The following MAP3K13 variants were observed in gnomAD, a reference collection of about 807,000 sequenced individuals.
The protein encoded by MAP3K13 is leucine zipper-bearing kinase.
Under a neutral mutation model 104.0 loss-of-function variants are expected in MAP3K13, and 52 were observed. That is an observed-to-expected ratio of 0.50 (90% CI 0.40 to 0.63). The LOEUF (loss-of-function observed/expected upper bound fraction) is 0.63. Among genes scored for constraint, MAP3K13 ranks in the 20% least tolerant of loss-of-function variants. MAP3K13 has a pLI of 0.00. For synonymous variants in MAP3K13, 394 were observed against 442.2 expected (o/e 0.89, Z 1.37); for missense variants, 914 against 1,218.5 (o/e 0.75, Z 3.72).
At chr3:185,376,014 T>C (rs1724410797) in intron 1 of MAP3K13, among the ~76,000 whole-genome samples, 1 of 152,186 alleles carries the variant, frequency 6.6e-6, no homozygotes, top group South Asian at 2.1e-4. Flanking sequence ...TGAATGATAC[T>C]ATAGCATAGC....
chr3:185,463,435 A>C (rs1207117730), intron 7 of MAP3K13, 115 bp from the exon 8 acceptor site: 7 of 618,190 alleles, frequency 1.1e-5, no homozygotes, highest in Admixed American at 4.9e-5. Context: ...ATCTATTCTG[A>C]AAAAGGCTCT....
At chr3:185,369,769 A>T (rs1724066330) in intron 1 of MAP3K13, among the ~76,000 whole-genome samples, 1 of 152,266 alleles carries the variant, frequency 6.6e-6, no homozygotes, top group South Asian at 2.1e-4. Context: ...CTTGGTGTAT[A>T]GTAAAGTTTT....
At chr3:185,323,957 T>A in intron 2 of MAP3K13, among the ~76,000 whole-genome samples, 1 of 152,182 alleles carries the variant, frequency 6.6e-6, no homozygotes, top group East Asian at 1.9e-4. Flanking sequence ...ATTGTACTTT[T>A]AATTTTGATT....
At chr3:185,453,303 A>G (rs925653198) in intron 7 of MAP3K13, among the ~76,000 whole-genome samples, 2 of 152,122 alleles carry the variant, frequency 1.3e-5, no homozygotes, top group African/African-American at 4.8e-5. Flanking sequence ...GAATTTTGTA[A>G]AGTGAATCGC....
intron 1 of MAP3K13, among the ~76,000 whole-genome samples, chr3:185,377,003 A>G (rs1364591417): frequency 6.6e-6 from 1 of 152,104 alleles, no homozygotes; most frequent in Non-Finnish European, 1.5e-5. Flanking sequence ...AGGAATAGTA[A>G]AGAAGACATG....
intron 2 of MAP3K13, among the ~76,000 whole-genome samples, chr3:185,334,075 G>C (rs1249705847): frequency 1.3e-5 from 2 of 151,692 alleles, no homozygotes; most frequent in Non-Finnish European, 2.9e-5. Flanking sequence ...AAGAAAATAA[G>C]AAAAAATACC....
chr3:185,371,663 T>G (rs1350657442), intron 1 of MAP3K13, among the ~76,000 whole-genome samples: 1 of 151,954 alleles, frequency 6.6e-6, no homozygotes, highest in Non-Finnish European at 1.5e-5. Flanking sequence ...TGGAGAAAGA[T>G]GACAGAAAAA....
At position 185,454,726 on chromosome 3, in the gene MAP3K13, ATATATATGATATATATAT is replaced by A. The variant is rs1716254284; in HGVS notation, c.1278+3332_1278+3349del. Reference sequence around the variant, plus strand: ...ATATATCATATATGAGATATATATGATATATATGATATATATATCATATATATGAGATATATATGACAT... The same window carrying A: ...ATATATCATATATGAGATATATATGACATATATATGAGATATATATGACAT... On this transcript the variant is annotated intron_variant, in intron 7 of 13. Coordinates refer to ENST00000265026, the MANE Select transcript of MAP3K13 (RefSeq NM_004721.5). Among the ~76,000 whole-genome samples, 3 of 34,866 alleles carry A rather than the reference ATATATATGATATATATAT, an allele frequency of 8.6e-5. 1 individual carries two copies. Among genetic ancestry groups the A allele is most frequent in the African/African-American group, 2.1e-4 (3 of 14,266 alleles). The allele number at this position is 34,866 out of a possible 152,430, so 22.9% of individuals were successfully genotyped here.
intron 2 of MAP3K13, among the ~76,000 whole-genome samples, chr3:185,323,758 A>G (rs765061198): frequency 1.3e-5 from 2 of 152,016 alleles, no homozygotes; most frequent in Non-Finnish European, 2.9e-5. Flanking sequence ...ATTCACGTAC[A>G]TGTGTATGTT....
At chr3:185,410,689 C>T (rs1180268939) in intron 1 of MAP3K13, among the ~76,000 whole-genome samples, 1 of 151,980 alleles carries the variant, frequency 6.6e-6, no homozygotes, top group Non-Finnish European at 1.5e-5. Flanking sequence ...AATCCCAACA[C>T]TTTGGGAGGC....
intron 1 of MAP3K13, among the ~76,000 whole-genome samples, chr3:185,409,973 A>T (rs982437234): frequency 1.2e-4 from 19 of 152,126 alleles, no homozygotes; most frequent in African/African-American, 4.6e-4. Flanking sequence ...CCCACCTCAG[A>T]TCATCAGGCA....
At chr3:185,455,864 TGA>T (rs1198321114) in intron 7 of MAP3K13, among the ~76,000 whole-genome samples, 9 of 63,086 alleles carry the variant, frequency 1.4e-4, no homozygotes, top group African/African-American at 2.0e-4. Context: ...GAGATATATA[TGA>T]GATATAGATG....
At chr3:185,366,377 G>A (rs945083401) in intron 1 of MAP3K13, among the ~76,000 whole-genome samples, 11 of 152,116 alleles carry the variant, frequency 7.2e-5, no homozygotes, top group African/African-American at 2.7e-4. Context: ...TTGACTATTA[G>A]GAATAATGCT....
chr3:185,477,613 T>C (rs1718204436), intron 12 of MAP3K13, among the ~76,000 whole-genome samples: 1 of 152,204 alleles, frequency 6.6e-6, no homozygotes, highest in African/African-American at 2.4e-5. Flanking sequence ...AGCAACTTCA[T>C]GATGAGGAGC....
intron 1 of MAP3K13, among the ~76,000 whole-genome samples, chr3:185,392,844 T>C (rs1283595875): frequency 6.6e-6 from 1 of 151,732 alleles, no homozygotes; most frequent in Non-Finnish European, 1.5e-5. Context: ...AGGTCAGGAG[T>C]TCGAGACCAC....
chr3:185,357,447 T>TAAAAAAAAAAA (rs71162295), intron 2 of MAP3K13, among the ~76,000 whole-genome samples: 1 of 91,390 alleles, frequency 1.1e-5, no homozygotes. Flanking sequence ...AAACTCCATC[T>TAAAAAAAAAAA]AAAAAAAAAA....
chr3:185,481,836 G>T (rs892406649), intron 13 of MAP3K13, among the ~76,000 whole-genome samples: 3 of 152,218 alleles, frequency 2.0e-5, no homozygotes, highest in Admixed American at 1.3e-4. Flanking sequence ...TGTAATCCCA[G>T]CACTTTGGGA....
intron 2 of MAP3K13, among the ~76,000 whole-genome samples, chr3:185,346,248 AC>A (rs1168222337): frequency 6.6e-6 from 1 of 152,210 alleles, no homozygotes; most frequent in Non-Finnish European, 1.5e-5. Context: ...AATTTTTGTA[AC>A]TTTTCCCAAA....
chr3:185,466,827 C>T lies in MAP3K13; in HGVS notation c.1507C>T (p.Arg503Cys), dbSNP rs151275315. The T allele has an allele frequency of 8.7e-6, 14 of 1,613,784 alleles. No homozygotes were observed. The highest frequency in any genetic ancestry group is 3.3e-4 in the Middle Eastern group (2 of 6,076). The change falls in exon 10 of 14, where the codon CGT (arginine) becomes TGT (cysteine). Residue 503 changes from arginine (R) to cysteine (C), a missense_variant and splice_region_variant. Arg to Cys is a radical substitution (Grantham distance 180). Transcript: ENST00000265026. ...GTGGCTTTTGCCTTTATTCTGCAGG[C>T]GTGAGCAAGCAGTGGAAAAGAAGTA... is the stretch of plus-strand genomic sequence containing the variant. The part of the protein sequence containing the change: ...LEMREKELIK[R>C]EQAVEKKYPG...
Sources: allele counts gnomAD v4.1 joint callset (sites outside exome capture counted in the v4.1 genomes callset), GRCh38; gene constraint gnomAD v4.1.1; transcripts MANE v1.5; gene names NCBI Gene and HGNC (gene_info 2026-07-23, HGNC 2026-07-21).